The following SAMSN1 variants were observed in gnomAD, a reference collection of about 807,000 sequenced individuals.
SAMSN1 encodes the protein SAM domain-containing protein SAMSN-1.
A neutral mutation model predicts 42.0 loss-of-function variants in SAMSN1; 31 were observed. That is an observed-to-expected ratio of 0.74 (90% CI 0.55 to 1.00). SAMSN1 has a LOEUF of 1.00. Ranked by LOEUF, SAMSN1 falls within the 50% of genes least tolerant of loss-of-function variation. The probability of loss-of-function intolerance (pLI) is 0.00; values close to 1 mark genes in which losing one functional copy is unlikely to be tolerated. For missense variants in SAMSN1, 464 were observed against 439.4 expected (o/e 1.06, Z -0.50); for synonymous variants, 178 against 151.9 (o/e 1.17, Z -1.26).
At chr21:14,493,373 C>T (rs1986775114) in intron 7 of SAMSN1, among the ~76,000 whole-genome samples, 1 of 152,114 alleles carries the variant, frequency 6.6e-6, no homozygotes, top group African/African-American at 2.4e-5. Context: ...ATTTCCATCA[C>T]CCATTTTCCC....
At chr21:14,520,940 C>A (rs1051594198) in intron 2 of SAMSN1, among the ~76,000 whole-genome samples, 3 of 151,990 alleles carry the variant, frequency 2.0e-5, no homozygotes, top group Non-Finnish European at 2.9e-5. Context: ...TGTCTGTGTG[C>A]CTAAATTTTC....
At chr21:14,634,886 C>A (rs972503361) in intron 2 of SAMSN1, among the ~76,000 whole-genome samples, 1 of 152,094 alleles carries the variant, frequency 6.6e-6, no homozygotes, top group African/African-American at 2.4e-5. Context: ...TGGACACTTA[C>A]GTTTATTACA....
chr21:14,525,214 G>A (rs146156665), intron 1 of SAMSN1, among the ~76,000 whole-genome samples: 2 of 152,280 alleles, frequency 1.3e-5, no homozygotes, highest in East Asian at 3.9e-4. Context: ...ACCAGAATAT[G>A]TGCTTTGTGA....
intron 1 of SAMSN1, among the ~76,000 whole-genome samples, chr21:14,536,540 A>G (rs772645870): frequency 4.6e-5 from 7 of 152,258 alleles, no homozygotes; most frequent in Admixed American, 1.3e-4. Context: ...TTGGGATAAA[A>G]CTTGATTACA....
At chr21:14,631,475 C>A (rs1169554111) in intron 2 of SAMSN1, among the ~76,000 whole-genome samples, 3 of 152,190 alleles carry the variant, frequency 2.0e-5, no homozygotes, top group Non-Finnish European at 4.4e-5. Context: ...TCAAGCGATT[C>A]TCCTGCCTCA....
chr21:14,581,340 A>ATTTTTTTT (rs1404934178), intron 2 of SAMSN1, among the ~76,000 whole-genome samples: 58 of 22,514 alleles, frequency 2.6e-3, no homozygotes, highest in Non-Finnish European at 4.9e-3. Context: ...GGGAAATAAT[A>ATTTTTTTT]TTTCTTTTTT....
chr21:14,494,708 CA>C (rs113601795), intron 7 of SAMSN1, among the ~76,000 whole-genome samples: 1,119 of 107,550 alleles, frequency 0.01, 20 homozygotes, highest in Admixed American at 0.056. Context: ...AAGTACAATA[CA>C]AAAAAAAAAA....
chr21:14,549,696 A>G (rs1980536849), upstream of SAMSN1, among the ~76,000 whole-genome samples: 1 of 152,186 alleles, frequency 6.6e-6, no homozygotes, highest in Non-Finnish European at 1.5e-5. Context: ...ATCATTTTAT[A>G]GAAAAAAGAA....
chr21:14,620,820 T>A (rs1331876249), intron 2 of SAMSN1, among the ~76,000 whole-genome samples: 3 of 152,206 alleles, frequency 2.0e-5, no homozygotes, highest in Non-Finnish European at 4.4e-5. Flanking sequence ...TTAGATAGAA[T>A]TCTGATTTTG....
At chr21:14,609,830 A>G (rs1434944703) in intron 4 of SAMSN1, among the ~76,000 whole-genome samples, 4 of 152,218 alleles carry the variant, frequency 2.6e-5, no homozygotes, top group African/African-American at 9.6e-5. Context: ...ATAATTTCTT[A>G]CACCTGGCCT....
intron 7 of SAMSN1, among the ~76,000 whole-genome samples, chr21:14,495,052 C>G (rs1986859402): frequency 6.6e-6 from 1 of 152,232 alleles, no homozygotes; most frequent in Admixed American, 6.5e-5. Context: ...ATTCCTCAAA[C>G]TGACATCATT....
rs762769495 is a variant in SAMSN1, at chr21:14,500,582, T to A, written c.715A>T (p.Asn239Tyr). The A allele has an allele frequency of 6.2e-7, 1 of 1,614,202 alleles. No individual in the cohort carries two copies. Among genetic ancestry groups the A allele is most frequent in the Non-Finnish European group, 8.5e-7 (1 of 1,180,026 alleles). Residue 239 changes from asparagine to tyrosine, a missense_variant, in exon 6 of 8, where the codon AAC becomes TAC. By Grantham distance (143) the Asn-to-Tyr change is moderately radical. Coordinates refer to ENST00000400566, the MANE Select transcript of SAMSN1 (RefSeq NM_022136.5). ...TGCAGAGTCTTGGATTTTTTGCTGT[T>A]ACTCCTTCGGTTTGCCTTTATTTTC... ...PKKIKANRRS[N>Y]SKKSKTLQEF...
chr21:14,529,789 C>T (rs947851420), intron 1 of SAMSN1, among the ~76,000 whole-genome samples: 10 of 152,142 alleles, frequency 6.6e-5, no homozygotes, highest in Admixed American at 5.2e-4. Context: ...TGGAAATCTG[C>T]ATTCATTCAT....
chr21:14,503,390 A>G (rs1439912664), intron 5 of SAMSN1, among the ~76,000 whole-genome samples: 1 of 152,172 alleles, frequency 6.6e-6, no homozygotes, highest in African/African-American at 2.4e-5. Flanking sequence ...TAGTCCTACA[A>G]CCACAAGGAA....
intron 5 of SAMSN1, among the ~76,000 whole-genome samples, chr21:14,606,609 T>G (rs1433176192): frequency 6.6e-6 from 1 of 152,192 alleles, no homozygotes; most frequent in Non-Finnish European, 1.5e-5. Flanking sequence ...TGCTGAAAAT[T>G]TAACAATTAA....
chr21:14,635,800 C>T (rs1429089143), intron 2 of SAMSN1, among the ~76,000 whole-genome samples: 3 of 151,834 alleles, frequency 2.0e-5, no homozygotes, highest in South Asian at 2.1e-4. Flanking sequence ...ATTTGATGCT[C>T]GCTGCAAACC....
At chr21:14,531,979 C>A in intron 1 of SAMSN1, among the ~76,000 whole-genome samples, 1 of 152,114 alleles carries the variant, frequency 6.6e-6, no homozygotes, top group East Asian at 1.9e-4. Flanking sequence ...TAAGCTAATT[C>A]TCAAAAAGTT....
intron 2 of SAMSN1, among the ~76,000 whole-genome samples, chr21:14,637,442 TTA>T (rs1441138734): frequency 6.6e-6 from 1 of 152,234 alleles, no homozygotes; most frequent in Admixed American, 6.5e-5. Context: ...TTAAAACAGT[TTA>T]TTTTGACAAC....
At chr21:14,528,580 T>C (rs1261933452) in intron 1 of SAMSN1, among the ~76,000 whole-genome samples, 1 of 152,208 alleles carries the variant, frequency 6.6e-6, no homozygotes, top group Non-Finnish European at 1.5e-5. Context: ...TTGCTGTCTT[T>C]GGAGAGTTTG....
Sources: gnomAD v4.1 joint callset for allele counts (sites outside exome capture counted in the v4.1 genomes callset) on GRCh38, gnomAD v4.1.1 for gene constraint, MANE v1.5 for transcripts, NCBI Gene and HGNC (gene_info 2026-07-23, HGNC 2026-07-21) for gene names.